Variants in CRPPA observed in about 807,000 individuals in gnomAD.
The protein encoded by CRPPA is CDP-L-ribitol pyrophosphorylase A, also known as D-ribitol-5-phosphate cytidylyltransferase.
In CRPPA, 43 loss-of-function variants were observed where a neutral mutation model predicts 52.0. The observed-to-expected ratio is 0.83, with a 90% CI of 0.65 to 1.07. The LOEUF (loss-of-function observed/expected upper bound fraction) is 1.07, where lower values mean the gene tolerates loss of function less well. Among genes scored for constraint, CRPPA ranks in the 50% least tolerant of loss-of-function variants. The pLI, the probability that CRPPA is intolerant of heterozygous loss-of-function variation, is 0.00. For missense variants in CRPPA, 629 were observed against 551.7 expected, an observed-to-expected ratio of 1.14 and a Z score of -1.40; for synonymous variants, 250 against 203.5, an observed-to-expected ratio of 1.23 and a Z score of -1.94.
At chr7:16,370,086 G>T (rs1188576938) in intron 3 of CRPPA, among the ~76,000 whole-genome samples, 3 of 152,180 alleles carry the variant, frequency 2.0e-5, no homozygotes, top group African/African-American at 2.4e-5. Context: ...CTAGCCAAGG[G>T]AAGCCATTCC....
At chr7:16,118,897 G>A (rs1283413287) in intron 9 of CRPPA, among the ~76,000 whole-genome samples, 2 of 152,142 alleles carry the variant, frequency 1.3e-5, no homozygotes, top group Non-Finnish European at 2.9e-5. Context: ...CTGGGCAGTA[G>A]TTGTGTCCTC....
chr7:16,175,361 G>T (rs1781272770), intron 9 of CRPPA, among the ~76,000 whole-genome samples: 1 of 152,080 alleles, frequency 6.6e-6, no homozygotes, highest in South Asian at 2.1e-4. Context: ...CAGTTAAAGT[G>T]ATTCCACTTT....
At chr7:16,248,867 G>A (rs1583464320) in intron 8 of CRPPA, among the ~76,000 whole-genome samples, 1 of 152,158 alleles carries the variant, frequency 6.6e-6, no homozygotes, top group South Asian at 2.1e-4. Context: ...CCCAGATACT[G>A]TGCTTTTCCC....
chr7:16,098,372 A>T (rs1781975214), intron 9 of CRPPA, among the ~76,000 whole-genome samples: 1 of 152,220 alleles, frequency 6.6e-6, no homozygotes, highest in Non-Finnish European at 1.5e-5. Context: ...ATGTTTCTTT[A>T]AGGGTAAACA....
At chr7:16,120,995 G>GA (rs1443212393) in intron 9 of CRPPA, among the ~76,000 whole-genome samples, 1 of 151,748 alleles carries the variant, frequency 6.6e-6, no homozygotes, top group South Asian at 2.1e-4. Flanking sequence ...CTGATCTTAA[G>GA]AAAAAAATGT....
At chr7:16,255,602 C>T (rs1783616579) in intron 8 of CRPPA, among the ~76,000 whole-genome samples, 1 of 152,050 alleles carries the variant, frequency 6.6e-6, no homozygotes, top group Non-Finnish European at 1.5e-5. Context: ...GATATATAGA[C>T]CAATGGAACA....
chr7:16,251,106 C>G (rs751027623), intron 8 of CRPPA, among the ~76,000 whole-genome samples: 4 of 151,154 alleles, frequency 2.6e-5, no homozygotes, highest in Non-Finnish European at 5.9e-5. Context: ...GATTTTAAAC[C>G]AACAAAGATA....
intron 9 of CRPPA, among the ~76,000 whole-genome samples, chr7:16,144,101 G>A (rs966276782): frequency 2.6e-5 from 4 of 152,160 alleles, no homozygotes; most frequent in African/African-American, 9.7e-5. Flanking sequence ...GCTTTAAGAA[G>A]ACAGGCTTAT....
At chr7:16,292,006 G>A (rs1382571349) in intron 5 of CRPPA, among the ~76,000 whole-genome samples, 1 of 151,802 alleles carries the variant, frequency 6.6e-6, no homozygotes, top group African/African-American at 2.4e-5. Context: ...GAAACACGGT[G>A]GAAATGTACT....
intron 1 of CRPPA, among the ~76,000 whole-genome samples, chr7:16,407,657 C>G (rs1787986320): frequency 6.6e-6 from 1 of 152,150 alleles, no homozygotes; most frequent in South Asian, 2.1e-4. Flanking sequence ...TCTCCTACCT[C>G]TTGTTATCGA....
chr7:16,102,876 C>T (rs1782076001), intron 9 of CRPPA, among the ~76,000 whole-genome samples: 1 of 152,106 alleles, frequency 6.6e-6, no homozygotes, highest in Non-Finnish European at 1.5e-5. Context: ...ATTAGTTCAA[C>T]CATTGTGGAA....
At chr7:16,365,574 C>T (rs1786569720) in intron 3 of CRPPA, among the ~76,000 whole-genome samples, 1 of 151,762 alleles carries the variant, frequency 6.6e-6, no homozygotes. Flanking sequence ...ACAAATTAGT[C>T]AAAAAAATGG....
chr7:16,276,679 AT>A (rs1784209558), intron 6 of CRPPA: 1 of 152,170 alleles, frequency 6.6e-6, no homozygotes, highest in African/African-American at 2.4e-5. Context: ...AACCAAAATG[AT>A]TTTTAAGGTA....
chr7:16,332,522 A>T (rs1562636861), intron 3 of CRPPA, among the ~76,000 whole-genome samples: 1 of 152,186 alleles, frequency 6.6e-6, no homozygotes, highest in African/African-American at 2.4e-5. Flanking sequence ...CAAGGGCTGC[A>T]GGGAATGATA....
chr7:16,216,047 A>T lies in CRPPA; in HGVS notation c.1251+19T>A, dbSNP rs751907599. On this transcript the variant is annotated intron_variant, in intron 9 of 9. Transcript: ENST00000407010. ...CTAGTCTACAGAACATACATTCGGA[A>T]GATAAACATTTTACCTACCTGTGGG... 6 of 1,559,028 alleles carry T rather than the reference A, an allele frequency of 3.8e-6. No homozygotes were observed. The highest frequency in any genetic ancestry group is 3.9e-5 in the Admixed American group (2 of 50,648).
intron 9 of CRPPA, among the ~76,000 whole-genome samples, chr7:16,196,123 A>G (rs558250925): frequency 6.6e-6 from 1 of 152,332 alleles, no homozygotes; most frequent in Admixed American, 6.5e-5. Flanking sequence ...AGAAATATAG[A>G]ACATATATAT....
intron 8 of CRPPA, chr7:16,216,587 CCGTG>C (rs1250974413): frequency 2.2e-5 from 4 of 184,256 alleles, no homozygotes; most frequent in Non-Finnish European, 4.5e-5. Context: ...GGTGCGCGCA[CCGTG>C]CGTGAGCGGA....
chr7:16,314,695 T>C (rs1429973739), intron 3 of CRPPA, among the ~76,000 whole-genome samples: 1 of 152,080 alleles, frequency 6.6e-6, no homozygotes, highest in Non-Finnish European at 1.5e-5. Context: ...TCTAGGGTGG[T>C]AGGTTTCTTC....
At chr7:16,230,439 C>T (rs1383666927) in intron 8 of CRPPA, among the ~76,000 whole-genome samples, 1 of 152,010 alleles carries the variant, frequency 6.6e-6, no homozygotes, top group Non-Finnish European at 1.5e-5. Context: ...TGTATTTTCA[C>T]CTCCAGGATT....
Sources: allele counts gnomAD v4.1 joint callset (sites outside exome capture counted in the v4.1 genomes callset), GRCh38; gene constraint gnomAD v4.1.1; transcripts MANE v1.5; gene names NCBI Gene and HGNC (gene_info 2026-07-23, HGNC 2026-07-21).